The following LRP1B variants were observed in gnomAD, a reference collection of about 807,000 sequenced individuals.
LRP1B encodes the protein LDL receptor related protein 1B, also known as low-density lipoprotein receptor-related protein 1B.
A neutral mutation model predicts 556.6 loss-of-function variants in LRP1B; 217 were observed. That is an observed-to-expected ratio of 0.39 (90% confidence interval 0.35 to 0.44). The LOEUF is 0.44. Ranked by LOEUF, LRP1B falls within the 20% of genes least tolerant of loss-of-function variation. The pLI is 1.00. For missense variants in LRP1B, 5,053 were observed against 5,620.8 expected (o/e 0.90, Z 3.23); for synonymous variants, 2,047 against 1,865.8 (o/e 1.10, Z -2.50).
At chr2:141,890,390 A>T (rs1316783814) in intron 1 of LRP1B, among the ~76,000 whole-genome samples, 1 of 135,968 alleles carries the variant, frequency 7.4e-6, no homozygotes. Flanking sequence ...ATACATATAT[A>T]GTGTATATAT....
intron 1 of LRP1B, among the ~76,000 whole-genome samples, chr2:141,916,274 C>T (rs932821447): frequency 1.1e-4 from 16 of 152,126 alleles, no homozygotes. Flanking sequence ...TTTGCAGCAC[C>T]ATGGATGCAC....
chr2:142,115,672 TAA>T (rs377480082), intron 1 of LRP1B, among the ~76,000 whole-genome samples: 1,568 of 7,084 alleles, frequency 0.22, 687 homozygotes, highest in South Asian at 0.53. Flanking sequence ...TATATATATG[TAA>T]TATATATATA....
intron 7 of LRP1B, among the ~76,000 whole-genome samples, chr2:141,102,164 C>G (rs894164030): frequency 5.3e-5 from 8 of 152,080 alleles, no homozygotes; most frequent in Non-Finnish European, 8.8e-5. Context: ...CCAAGTGTGC[C>G]TGTATTCTTC....
intron 2 of LRP1B, among the ~76,000 whole-genome samples, chr2:141,514,720 TC>T (rs1684250692): frequency 1.3e-5 from 2 of 152,326 alleles, no homozygotes; most frequent in East Asian, 3.9e-4. Context: ...TAACTTAGCC[TC>T]CTTTAAACAT....
intron 47 of LRP1B, among the ~76,000 whole-genome samples, chr2:140,532,580 C>T (rs138725634): frequency 1.1e-4 from 17 of 151,534 alleles, no homozygotes; most frequent in Non-Finnish European, 2.1e-4. Flanking sequence ...TATTTTTAGT[C>T]GAGATGGGGT....
At chr2:140,590,409 C>T (rs1173466765) in intron 43 of LRP1B, among the ~76,000 whole-genome samples, 1 of 151,296 alleles carries the variant, frequency 6.6e-6, no homozygotes, top group Non-Finnish European at 1.5e-5. Context: ...ATGGACTGAA[C>T]TGTGCCTCCT....
Position 140,375,353 on chromosome 2 carries a change from T to G in LRP1B, c.10639-2216A>C, listed in dbSNP as rs75805611. Among the ~76,000 whole-genome samples, 389 of 152,228 alleles carry G rather than the reference T, an allele frequency of 2.6e-3. 2 individuals are homozygous for G. The highest frequency in any genetic ancestry group is 8.9e-3 in the African/African-American group (368 of 41,546). The stretch of plus-strand genomic sequence containing the variant: ...TTAGCAGCTCATCTTGTCAATTTAT[T>G]TTCTCACACTTAAAATTAGGCATCT... On this transcript the variant is annotated intron_variant, in intron 68 of 90. Coordinates refer to ENST00000389484, the MANE Select transcript of LRP1B (RefSeq NM_018557.3).
chr2:140,928,526 C>A (rs929341736), intron 20 of LRP1B, among the ~76,000 whole-genome samples: 1 of 152,104 alleles, frequency 6.6e-6, no homozygotes, highest in East Asian at 1.9e-4. Flanking sequence ...GGCCTCATAT[C>A]TGATGCAAAA....
intron 1 of LRP1B, among the ~76,000 whole-genome samples, chr2:141,871,516 A>T (rs1417544638): frequency 1.3e-5 from 2 of 152,002 alleles, no homozygotes; most frequent in Non-Finnish European, 2.9e-5. Context: ...TAATAAATGC[A>T]TCTACCAAAA....
intron 3 of LRP1B, among the ~76,000 whole-genome samples, chr2:141,372,011 A>T (rs1689244945): frequency 6.6e-6 from 1 of 151,996 alleles, no homozygotes; most frequent in African/African-American, 2.4e-5. Context: ...GGTTTGTCAT[A>T]TATGGCCTTT....
chr2:140,354,500 T>C (rs1682122509), intron 75 of LRP1B, among the ~76,000 whole-genome samples: 1 of 152,108 alleles, frequency 6.6e-6, no homozygotes, highest in Non-Finnish European at 1.5e-5. Flanking sequence ...GTAGAATGCA[T>C]CTTGTCAGTA....
At chr2:141,216,162 C>T (rs983598309) in intron 6 of LRP1B, among the ~76,000 whole-genome samples, 5 of 152,196 alleles carry the variant, frequency 3.3e-5, no homozygotes, top group Non-Finnish European at 7.3e-5. Context: ...CTGCTTCTCA[C>T]ATCTCAGCCA....
intron 3 of LRP1B, among the ~76,000 whole-genome samples, chr2:141,352,468 C>G (rs969209743): frequency 6.6e-6 from 1 of 151,838 alleles, no homozygotes; most frequent in Middle Eastern, 3.4e-3. Context: ...AGTCACTTTC[C>G]CCTAATGTCA....
intron 2 of LRP1B, among the ~76,000 whole-genome samples, chr2:141,551,998 T>C (rs1241654929): frequency 1.3e-5 from 2 of 152,070 alleles, no homozygotes; most frequent in Non-Finnish European, 2.9e-5. Context: ...GGGGTTCCAG[T>C]GTATTTTGTA....
chr2:140,343,082 T>C (rs1018417148), intron 77 of LRP1B, among the ~76,000 whole-genome samples: 1 of 151,522 alleles, frequency 6.6e-6, no homozygotes, highest in Non-Finnish European at 1.5e-5. Context: ...TAAGATCTTA[T>C]GGAAAATGAA....
At chr2:140,650,951 G>A (rs1684661516) in intron 41 of LRP1B, among the ~76,000 whole-genome samples, 2 of 152,010 alleles carry the variant, frequency 1.3e-5, no homozygotes, top group African/African-American at 2.4e-5. Flanking sequence ...GTGAAAGATG[G>A]CATGTATTGT....
At chr2:140,243,738 G>A (rs1411391920) in intron 87 of LRP1B, among the ~76,000 whole-genome samples, 2 of 151,076 alleles carry the variant, frequency 1.3e-5, no homozygotes, top group Non-Finnish European at 3.0e-5. Context: ...TCTCCCCCTT[G>A]TTCTCTTGAT....
intron 3 of LRP1B, among the ~76,000 whole-genome samples, chr2:141,385,411 T>C (rs1689794159): frequency 1.3e-5 from 2 of 152,170 alleles, no homozygotes; most frequent in Admixed American, 1.3e-4. Context: ...CTATCTCTGG[T>C]CCCAATCATT....
intron 47 of LRP1B, among the ~76,000 whole-genome samples, chr2:140,527,731 T>C (rs761186094): frequency 1.3e-5 from 2 of 151,966 alleles, no homozygotes; most frequent in Non-Finnish European, 2.9e-5. Flanking sequence ...TTATATTCAT[T>C]TGTGTTACAT....
Sources: gnomAD v4.1 joint callset for allele counts (sites outside exome capture counted in the v4.1 genomes callset) on GRCh38, gnomAD v4.1.1 for gene constraint, MANE v1.5 for transcripts, NCBI Gene and HGNC (gene_info 2026-07-23, HGNC 2026-07-21) for gene names.